CDH13: variants seen among roughly 807,000 people sequenced by gnomAD.
CDH13 encodes cadherin 13.
In CDH13, 24 loss-of-function variants were observed where a neutral mutation model predicts 63.8. That is an observed-to-expected ratio of 0.38 (90% CI 0.27 to 0.53). CDH13 has a LOEUF of 0.53. CDH13 is among the 20% of genes least tolerant of loss of function. The probability of loss-of-function intolerance (pLI) is 0.85; values close to 1 mark genes in which losing one functional copy is unlikely to be tolerated. For synonymous variants in CDH13, 503 were observed against 355.3 expected, an observed-to-expected ratio of 1.42 and a Z score of -4.67; for missense variants, 1,049 against 903.1, an observed-to-expected ratio of 1.16 and a Z score of -2.07.
intron 3 of CDH13, among the ~76,000 whole-genome samples, chr16:83,066,823 A>T (rs1434574147): frequency 6.6e-6 from 1 of 152,178 alleles, no homozygotes; most frequent in Non-Finnish European, 1.5e-5. Flanking sequence ...TCTACCCTTC[A>T]TGGAAGACCA....
At chr16:82,848,009 G>A (rs1390328387) in intron 1 of CDH13, among the ~76,000 whole-genome samples, 1 of 151,166 alleles carries the variant, frequency 6.6e-6, no homozygotes, top group Non-Finnish European at 1.5e-5. Context: ...CATTTCATTT[G>A]GGAAGAAAGA....
At chr16:83,630,388 G>A (rs1686419334) in intron 8 of CDH13, among the ~76,000 whole-genome samples, 1 of 152,184 alleles carries the variant, frequency 6.6e-6, no homozygotes, top group South Asian at 2.1e-4. Context: ...TGCCCGAGGT[G>A]CTCAGGGTAT....
intron 2 of CDH13, among the ~76,000 whole-genome samples, chr16:82,992,769 A>C (rs989516452): frequency 2.0e-5 from 3 of 152,236 alleles, no homozygotes; most frequent in Non-Finnish European, 4.4e-5. Flanking sequence ...TAAAGACCAT[A>C]ATAAGTAGTT....
At chr16:83,324,399 A>T (rs1229634407) in intron 5 of CDH13, among the ~76,000 whole-genome samples, 2 of 152,192 alleles carry the variant, frequency 1.3e-5, no homozygotes, top group Non-Finnish European at 2.9e-5. Context: ...TGGAAGTAGC[A>T]TCCAACACCC....
chr16:83,446,791 A>G lies in CDH13; in HGVS notation c.782-39686A>G, dbSNP rs1039830984. On this transcript the variant is annotated intron_variant, in intron 6 of 13. Transcript: ENST00000567109. ...CTGGGCAACTGGAATGAATTCCATG[A>G]TGGCTTTATTAAGGAGTACATGTAA... Among the ~76,000 whole-genome samples the G allele has an allele frequency of 6.6e-5, 10 of 152,282 alleles. No homozygotes were observed. In the East Asian group the frequency reaches 1.9e-3, roughly 29 times the overall value.
chr16:83,249,510 A>C (rs944356110), intron 5 of CDH13, among the ~76,000 whole-genome samples: 9 of 152,156 alleles, frequency 5.9e-5, no homozygotes, highest in Non-Finnish European at 1.0e-4. Context: ...AACTTCACTG[A>C]TTTATCTCAT....
intron 1 of CDH13, among the ~76,000 whole-genome samples, chr16:82,738,023 A>T (rs964297016): frequency 6.6e-5 from 10 of 152,178 alleles, no homozygotes; most frequent in African/African-American, 2.2e-4. Context: ...TAAGTGCACA[A>T]TGCAGTACTG....
intron 4 of CDH13, among the ~76,000 whole-genome samples, chr16:83,205,817 A>T (rs1567505603): frequency 6.6e-6 from 1 of 151,978 alleles, no homozygotes; most frequent in East Asian, 1.9e-4. Context: ...GTTGGCCAGG[A>T]TGGTCTCTAT....
chr16:82,860,384 T>TGG (rs1197091420), intron 2 of CDH13, among the ~76,000 whole-genome samples: 1 of 29,556 alleles, frequency 3.4e-5, no homozygotes, highest in African/African-American at 1.4e-4. Flanking sequence ...TGTGTGTGTG[T>TGG]GTGTGGGGGG....
intron 7 of CDH13, among the ~76,000 whole-genome samples, chr16:83,500,753 T>C (rs2074266474): frequency 6.7e-6 from 1 of 150,292 alleles, no homozygotes; most frequent in African/African-American, 2.5e-5. Context: ...AATTTTTGTT[T>C]TATTTTTGTG....
chr16:82,835,743 A>T (rs541218445), intron 1 of CDH13, among the ~76,000 whole-genome samples: 33 of 152,324 alleles, frequency 2.2e-4, no homozygotes, highest in African/African-American at 7.7e-4. Context: ...CATGCACAGG[A>T]GGAAGCCAGA....
chr16:83,397,718 T>G (rs1325705454), intron 6 of CDH13, among the ~76,000 whole-genome samples: 1 of 152,136 alleles, frequency 6.6e-6, no homozygotes, highest in Non-Finnish European at 1.5e-5. Flanking sequence ...AAAGATGGAG[T>G]TGTTTATCTC....
At chr16:82,987,134 C>T (rs763729144) in intron 2 of CDH13, among the ~76,000 whole-genome samples, 7 of 152,224 alleles carry the variant, frequency 4.6e-5, no homozygotes, top group East Asian at 1.9e-4. Context: ...GTCACCTTGC[C>T]GTTTTCCCAG....
At chr16:83,000,223 ATTTTTTTTTTTTTTTTTTTTTTTTTT>A (rs746904500) in intron 2 of CDH13, among the ~76,000 whole-genome samples, 10 of 36,988 alleles carry the variant, frequency 2.7e-4, no homozygotes, top group African/African-American at 4.7e-4. Context: ...GGTTTAGCTT[ATTTTTTTTTTTTTTTTTTTTTTTTTT>A]TTTTTTTTTT....
chr16:82,812,818 C>A (rs111342457), intron 1 of CDH13, among the ~76,000 whole-genome samples: 15 of 150,656 alleles, frequency 1.0e-4, no homozygotes, highest in African/African-American at 3.7e-4. Flanking sequence ...CTTTTTCCTT[C>A]CTTCCTTCCT....
At chr16:82,918,182 C>A (rs1293645098) in intron 2 of CDH13, among the ~76,000 whole-genome samples, 1 of 152,164 alleles carries the variant, frequency 6.6e-6, no homozygotes, top group Non-Finnish European at 1.5e-5. Context: ...AAATAATCAT[C>A]ACCCTGCAAA....
chr16:83,301,187 A>C (rs2089733206), intron 5 of CDH13, among the ~76,000 whole-genome samples: 3 of 151,352 alleles, frequency 2.0e-5, no homozygotes, highest in African/African-American at 7.3e-5. Flanking sequence ...GCCCACCACC[A>C]CGCCCGGCTA....
At chr16:83,528,393 T>C in intron 7 of CDH13, among the ~76,000 whole-genome samples, 1 of 152,044 alleles carries the variant, frequency 6.6e-6, no homozygotes, top group East Asian at 1.9e-4. Context: ...CTTGGGGAAA[T>C]CTCTTCCTCT....
At chr16:82,884,115 T>C in intron 2 of CDH13, 1 of 449,810 alleles carries the variant, frequency 2.2e-6, no homozygotes, top group Non-Finnish European at 4.4e-6. Flanking sequence ...ATACAAATAT[T>C]GTTGATTGAA....
Sources: allele counts gnomAD v4.1 joint callset (sites outside exome capture counted in the v4.1 genomes callset), GRCh38; gene constraint gnomAD v4.1.1; transcripts MANE v1.5; gene names NCBI Gene and HGNC (gene_info 2026-07-23, HGNC 2026-07-21).